The following ARL13A variants were observed in gnomAD, a reference collection of about 807,000 sequenced individuals.
ARL13A encodes the protein ADP-ribosylation factor-like protein 13A.
ARL13A carries 16 observed loss-of-function variants against 19.1 expected under a neutral mutation model. That is an observed-to-expected ratio of 0.84 (90% CI 0.57 to 1.27). The LOEUF (loss-of-function observed/expected upper bound fraction) is 1.27. Among genes scored for constraint, ARL13A ranks in the 50% most tolerant of loss-of-function variants. The pLI, the probability that ARL13A is intolerant of heterozygous loss-of-function variation, is 0.00. For missense variants in ARL13A, 153 were observed against 186.4 expected (o/e 0.82, Z 1.04); for synonymous variants, 69 against 71.3 (o/e 0.97, Z 0.17).
chrX:100,974,810 G>C, intron 3 of ARL13A, among the ~76,000 whole-genome samples: 1 of 111,879 alleles, frequency 8.9e-6, no homozygotes, highest in Non-Finnish European at 1.9e-5. Context: ...ACCAATCAAA[G>C]AAGCCAGCAC....
chrX:100,987,862 G>C (rs1199596432), intron 6 of ARL13A, among the ~76,000 whole-genome samples: 1 of 111,903 alleles, frequency 8.9e-6, no homozygotes, highest in Non-Finnish European at 1.9e-5. Context: ...ATGTGGAGGA[G>C]AAAAGGAACA....
At chrX:100,986,705 C>T (rs770312401) in intron 4 of ARL13A, 91 bp from the exon 5 acceptor site, 9 of 515,432 alleles carry the variant, frequency 1.7e-5, no homozygotes, top group Non-Finnish European at 2.9e-5. Flanking sequence ...AGAATTTGTT[C>T]TCCTCCTCTT....
intron 4 of ARL13A, 66 bp from the exon 5 acceptor site, chrX:100,986,730 G>C (rs570006133): frequency 2.9e-6 from 2 of 698,110 alleles, no homozygotes; most frequent in South Asian, 3.2e-5. Context: ...TTCTTTTCTC[G>C]CCTTTTGCTT....
intron 3 of ARL13A, among the ~76,000 whole-genome samples, chrX:100,979,501 C>T (rs747470742): frequency 8.9e-6 from 1 of 111,820 alleles, no homozygotes; most frequent in South Asian, 3.8e-4. Context: ...ATTCTGAATT[C>T]CTTCTTTGTG....
chrX:100,973,399 C>T (rs866008925), intron 1 of ARL13A, among the ~76,000 whole-genome samples: 5 of 102,805 alleles, frequency 4.9e-5, no homozygotes, highest in Non-Finnish European at 8.0e-5. Flanking sequence ...GGGGCCCGTC[C>T]GCTCCTCCAG....
intron 7 of ARL13A, 134 bp from the exon 8 acceptor site, chrX:100,990,428 A>G (rs1275478490): frequency 2.1e-6 from 2 of 954,682 alleles, no homozygotes; most frequent in Non-Finnish European, 2.6e-6. Flanking sequence ...AAACAGGTTC[A>G]TCTCCAGAAC....
Position 100,977,369 on chromosome X carries a change from C to CTTTTTTTTTT in ARL13A, c.130+3192_130+3201dup, listed in dbSNP as rs59915769. 1.6e-4 allele frequency among the ~76,000 whole-genome samples: 9 copies of CTTTTTTTTTT among 56,457 alleles called. 1 individual carries two copies. The highest frequency in any genetic ancestry group is 5.7e-4 in the African/African-American group (8 of 13,964). The allele number at this position is 56,457 out of a possible 115,157, so 49.0% of individuals were successfully genotyped here. ...GTAGTAATTATCCTTCTACTCTCTTCTTTTTTTTTTTTTTTTTTTTTTTTT... is the reference window on the plus strand; with the variant it reads ...GTAGTAATTATCCTTCTACTCTCTTCTTTTTTTTTTTTTTTTTTTTTTTTTTTTTTTTTTT... On this transcript the variant is annotated intron_variant, in intron 3 of 7. Transcript: ENST00000450049.
chrX:100,977,230 T>C (rs774753742), intron 3 of ARL13A, among the ~76,000 whole-genome samples: 2 of 111,341 alleles, frequency 1.8e-5, no homozygotes, highest in South Asian at 3.8e-4. Flanking sequence ...CAACAAATTA[T>C]TGCTGACTAT....
At chrX:100,978,261 T>G (rs959880571) in intron 3 of ARL13A, among the ~76,000 whole-genome samples, 1 of 112,139 alleles carries the variant, frequency 8.9e-6, no homozygotes, top group African/African-American at 3.2e-5. Context: ...GTACAATGTT[T>G]CATTGTTGAT....
intron 3 of ARL13A, among the ~76,000 whole-genome samples, chrX:100,978,525 T>C (rs1348137002): frequency 2.7e-5 from 3 of 111,719 alleles, no homozygotes; most frequent in Non-Finnish European, 5.6e-5. Context: ...ACTCCCGCTC[T>C]TTTGGGTTTC....
chrX:100,973,998 C>G (rs2085721659), intron 2 of ARL13A, 129 bp from the exon 3 acceptor site: 1 of 599,466 alleles, frequency 1.7e-6, no homozygotes. Context: ...TTGGCTGGGC[C>G]TTTTATGGTA....
intron 3 of ARL13A, among the ~76,000 whole-genome samples, chrX:100,978,017 A>C (rs1006266664): frequency 8.9e-6 from 1 of 112,125 alleles, no homozygotes; most frequent in Non-Finnish European, 1.9e-5. Flanking sequence ...TTTTGGATAC[A>C]TACACAGCAG....
chrX:100,977,316 T>C (rs2085778003), intron 3 of ARL13A, among the ~76,000 whole-genome samples: 1 of 108,189 alleles, frequency 9.2e-6, no homozygotes, highest in African/African-American at 3.4e-5. Flanking sequence ...ACCATCCCAT[T>C]CCCTCCCCTC....
chrX:100,974,820 C>T (rs888913053), intron 3 of ARL13A, among the ~76,000 whole-genome samples: 2 of 111,970 alleles, frequency 1.8e-5, no homozygotes, highest in African/African-American at 6.5e-5. Flanking sequence ...GAAGCCAGCA[C>T]TGTCTGTCAC....
At position 100,990,746 on chromosome X, in the gene ARL13A, G is replaced by T; in HGVS notation, c.*158G>T. ...CAAAACTGAGCCTTAGAAATACAGGGTTCATTTAGAAATAAGTATTTTTTT... is the reference window on the plus strand; with the variant it reads ...CAAAACTGAGCCTTAGAAATACAGGTTTCATTTAGAAATAAGTATTTTTTT... On this transcript the variant is annotated 3_prime_UTR_variant, in exon 8 of 8. Coordinates refer to ENST00000450049, the MANE Select transcript of ARL13A (RefSeq NM_001162491.2). The T allele has an allele frequency of 2.1e-6, 1 of 473,326 alleles. No individual in the cohort carries two copies. The highest frequency in any genetic ancestry group is 3.4e-6 in the Non-Finnish European group (1 of 291,832). 39.0% of individuals were successfully genotyped at this position (473,326 alleles called of 1,213,427 possible).
intron 7 of ARL13A, among the ~76,000 whole-genome samples, chrX:100,988,861 T>TATC (rs1293571084): frequency 1.0e-5 from 1 of 100,106 alleles, no homozygotes; most frequent in African/African-American, 3.6e-5. Context: ...CATATATATA[T>TATC]ATATATATAT....
At chrX:100,978,618 T>G (rs757448631) in intron 3 of ARL13A, among the ~76,000 whole-genome samples, 1 of 110,698 alleles carries the variant, frequency 9.0e-6, no homozygotes, top group South Asian at 3.8e-4. Flanking sequence ...AGGAAACAGA[T>G]CATGTGTTTT....
chrX:100,981,532 G>A (rs1443018160), intron 3 of ARL13A, among the ~76,000 whole-genome samples: 3 of 109,118 alleles, frequency 2.7e-5, no homozygotes, highest in Admixed American at 9.9e-5. Context: ...GGTGGGGTGC[G>A]GGGGCTCATG....
intron 3 of ARL13A, 106 bp downstream of exon 3, chrX:100,974,303 C>T: frequency 1.7e-6 from 1 of 600,335 alleles, no homozygotes; most frequent in Admixed American, 2.8e-5. Context: ...CTCAATTTCC[C>T]TCTTTTTGTG....
Sources: gnomAD v4.1 joint callset for allele counts (sites outside exome capture counted in the v4.1 genomes callset) on GRCh38, gnomAD v4.1.1 for gene constraint, MANE v1.5 for transcripts, NCBI Gene and HGNC (gene_info 2026-07-23, HGNC 2026-07-21) for gene names.